The following MIB2 variants were observed in gnomAD, a reference collection of about 807,000 sequenced individuals.
MIB2 encodes the protein E3 ubiquitin-protein ligase MIB2.
MIB2 carries 78 observed loss-of-function variants against 96.6 expected under a neutral mutation model. The observed-to-expected ratio is 0.81, with a 90% CI of 0.67 to 0.97. The LOEUF (loss-of-function observed/expected upper bound fraction) is 0.97, where lower values mean the gene tolerates loss of function less well. MIB2 is among the 50% of genes least tolerant of loss of function. MIB2 has a pLI of 0.00. For synonymous variants in MIB2, 820 were observed against 629.5 expected (o/e 1.30, Z -4.53); for missense variants, 1,543 against 1,424.0 (o/e 1.08, Z -1.35).
At chr1:1,621,317 G>A (rs1281835461) in intron 2 of MIB2, among the ~76,000 whole-genome samples, 1 of 152,242 alleles carries the variant, frequency 6.6e-6, no homozygotes, top group Non-Finnish European at 1.5e-5. Context: ...GGCTGTGGAA[G>A]CCGCTCATGC....
At chr1:1,627,237 G>A (rs367982753) in intron 11 of MIB2, 30 bp downstream of exon 11, 5 of 1,612,138 alleles carry the variant, frequency 3.1e-6, no homozygotes, top group Non-Finnish European at 3.4e-6. Flanking sequence ...CTCCCATACT[G>A]GCCAGTCTGA....
rs993050359 is a variant in MIB2, at chr1:1,629,322, G to A, written c.2381+11G>A. The A allele has an allele frequency of 1.0e-4, 150 of 1,473,180 alleles. No individual in the cohort carries two copies. The highest frequency in any genetic ancestry group is 1.3e-4 in the Non-Finnish European group (143 of 1,126,316). The allele number at this position is 1,473,180 out of a possible 1,614,324, so 91.3% of individuals were successfully genotyped here. A position where few individuals can be genotyped will look rare whatever the true frequency, so the allele number is the denominator to read the frequency against. Reference sequence around the variant, plus strand: ...CGCCCAGCGCTTCCGGTGAGTCCGTGGACGGCGGGGATGGGGTCCGGCGGC... The same window carrying A: ...CGCCCAGCGCTTCCGGTGAGTCCGTAGACGGCGGGGATGGGGTCCGGCGGC... On this transcript the variant is annotated intron_variant, in intron 17 of 19. Coordinates refer to ENST00000355826, the MANE Select transcript of MIB2 (RefSeq NM_001170687.4).
chr1:1,614,384 T>C (rs1291306085), upstream of MIB2: 2 of 152,260 alleles, frequency 1.3e-5, 1 homozygote, highest in South Asian at 4.1e-4. Context: ...CACAAGGACG[T>C]CGGCCTGGTA....
chr1:1,627,464 CGGCCGGCGG>C lies in MIB2; in HGVS notation c.1523+24_1523+32del. On this transcript the variant is annotated intron_variant, in intron 12 of 19. Coordinates refer to ENST00000355826, the MANE Select transcript of MIB2 (RefSeq NM_001170687.4). ...CCTGGGGTGAGGCCTGGGAGGGGCC[CGGCCGGCGG>C]GGCTGAGCCTGTGCGTCCTGGGGTG... 6.3e-7 allele frequency: 1 copy of C among 1,590,154 alleles called. No homozygotes were observed. The highest frequency in any genetic ancestry group is 2.3e-5 in the East Asian group (1 of 43,674).
At chr1:1,622,813 C>T (rs937580751) in intron 2 of MIB2, among the ~76,000 whole-genome samples, 8 of 152,244 alleles carry the variant, frequency 5.3e-5, no homozygotes, top group Non-Finnish European at 8.8e-5. Flanking sequence ...GGGCCCAAAG[C>T]TGGTGTCCCC....
intron 1 of MIB2, chr1:1,616,077 G>T: frequency 2.0e-6 from 2 of 984,300 alleles, no homozygotes; most frequent in Non-Finnish European, 2.4e-6. Flanking sequence ...GGACGGAAAC[G>T]TCCGGGCAAG....
chr1:1,619,457 C>T (rs1318934601), intron 2 of MIB2, among the ~76,000 whole-genome samples: 1 of 152,250 alleles, frequency 6.6e-6, no homozygotes, highest in Non-Finnish European at 1.5e-5. Context: ...TGTGGTCTGT[C>T]TGCACACTGG....
chr1:1,624,657 G>A (rs1486273452), intron 4 of MIB2, 138 bp from the exon 5 acceptor site: 2 of 803,756 alleles, frequency 2.5e-6, no homozygotes, highest in African/African-American at 1.7e-5. Flanking sequence ...GCCATTCCCG[G>A]GCAAGAGCTG....
At chr1:1,621,953 G>A (rs1444602799) in intron 2 of MIB2, among the ~76,000 whole-genome samples, 1 of 152,234 alleles carries the variant, frequency 6.6e-6, no homozygotes, top group African/African-American at 2.4e-5. Context: ...GGGCTTTGCT[G>A]TGGCCCCTCC....
Position 1,624,884 on chromosome 1 carries a change from A to C in MIB2, c.509A>C (p.Glu170Ala). The C allele has an allele frequency of 6.2e-7, 1 of 1,612,756 alleles. No individual in the cohort carries two copies. The highest frequency in any genetic ancestry group is 8.5e-7 in the Non-Finnish European group (1 of 1,179,870). The change falls in exon 5 of 20, where the codon GAG (glutamate) becomes GCG (alanine). Residue 170 changes from glutamate (E) to alanine (A), a missense_variant. Glu to Ala is a moderately radical substitution (Grantham distance 107, BLOSUM62 -1). Coordinates refer to ENST00000355826, the MANE Select transcript of MIB2 (RefSeq NM_001170687.4). The stretch of plus-strand genomic sequence containing the variant: ...AAGGTGGTGCGAGGCCCCGACTGGG[A>C]GTGGGGCTCACAGGATGGTGAGTGG... ...GAKVVRGPDW[E>A]WGSQDGGEGK...
At position 1,625,894 on chromosome 1, in the gene MIB2, C is replaced by A. The variant is rs927079040; in HGVS notation, c.972+241C>A. On this transcript the variant is annotated intron_variant, in intron 8 of 19. Coordinates refer to ENST00000355826, the MANE Select transcript of MIB2 (RefSeq NM_001170687.4). This position sits in a 1 kb window ranked among gnomAD's most constrained non-coding sequence, Gnocchi z 5.0. ...GGAGCTGGAATGGGCAGGTTAGGGC[C>A]TCCCTCTGTTCCAGGACACCAGGAA... is the stretch of plus-strand genomic sequence containing the variant. The A allele has an allele frequency of 2.3e-5, 13 of 566,974 alleles. No individual in the cohort carries two copies. The highest frequency in any genetic ancestry group is 3.5e-5 in the Non-Finnish European group (11 of 316,822). 35.1% of individuals were successfully genotyped at this position (566,974 alleles called of 1,614,324 possible). A position where few individuals can be genotyped will look rare whatever the true frequency, so the allele number is the denominator to read the frequency against.
rs146481628 is a variant in MIB2 at position 1,629,667 on chromosome 1, C to G, written c.2592C>G (p.Ile864Met). 1.3e-6 allele frequency: 2 copies of G among 1,599,940 alleles called. No homozygotes were observed. The highest frequency in any genetic ancestry group is 1.7e-6 in the Non-Finnish European group (2 of 1,173,172). The change falls in exon 19 of 20, where the codon ATC becomes ATG. Residue 864 changes from isoleucine to methionine, a missense_variant. Physicochemically the swap from Ile to Met is conservative, Grantham distance 10. Transcript: ENST00000355826. The part of the protein sequence containing the change: ...EECARRMKKC[I>M]RCQVVVSKKL... ...GCGCGCGCAGGATGAAGAAGTGCAT[C>G]AGGTGCCAGGTGGTCGTCAGCAAGA... is the stretch of plus-strand genomic sequence containing the variant.
chr1:1,618,174 C>G (rs987461084), intron 2 of MIB2: 5 of 152,568 alleles, frequency 3.3e-5, no homozygotes, highest in African/African-American at 1.2e-4. Flanking sequence ...GAGGGCAGGG[C>G]TAGCCTTGGA....
Position 1,625,758 on chromosome 1 carries a change from C to G in MIB2, c.972+105C>G, listed in dbSNP as rs1028975009. On this transcript the variant is annotated intron_variant, in intron 8 of 19. Coordinates refer to ENST00000355826, the MANE Select transcript of MIB2 (RefSeq NM_001170687.4). The surrounding 1 kb of genome is among the most constrained non-coding windows in gnomAD (Gnocchi z 5.0). ...GGCAGGACTAGGGTGCCAGCTGCAC[C>G]CACGAGTCCCCAGCCCTGAAGGAAG... The G allele has an allele frequency of 6.4e-5, 56 of 877,770 alleles. No individual in the cohort carries two copies. Among genetic ancestry groups the G allele is most frequent in the Non-Finnish European group, 9.3e-5 (52 of 560,874 alleles). The allele number at this position is 877,770 out of a possible 1,614,324, so 54.4% of individuals were successfully genotyped here.
chr1:1,628,098 A>G lies in MIB2; in HGVS notation c.1760A>G (p.Glu587Gly). ...AGCGGCATTGTCGAGGTCCTCACGGAGGTGCCAAACATCGATGTTACCGCC... is the reference window on the plus strand; with the variant it reads ...AGCGGCATTGTCGAGGTCCTCACGGGGGTGCCAAACATCGATGTTACCGCC... ...GASGIVEVLT[E>G]VPNIDVTATN... is the part of the protein sequence containing the mutation. The change falls in exon 14 of 20, where the codon GAG (glutamate) becomes GGG (glycine). Residue 587 changes from glutamate to glycine, a missense_variant. Transcript: ENST00000355826. 1 of 1,613,254 alleles carries G rather than the reference A, an allele frequency of 6.2e-7. No homozygotes were observed. The highest frequency in any genetic ancestry group is 8.5e-7 in the Non-Finnish European group (1 of 1,179,978).
rs1227143320 is a variant in MIB2, at chr1:1,615,720, G to A, written c.-130+87G>A. On this transcript the variant is annotated intron_variant, in intron 1 of 19. Coordinates refer to ENST00000355826, the MANE Select transcript of MIB2 (RefSeq NM_001170687.4). ...TCTGGCAGAACGCGAGCGCCGTCCG[G>A]TTCCCGCTCCCGCTGGCCCAGCAGC... 5 of 1,494,918 alleles carry A rather than the reference G, an allele frequency of 3.3e-6. No homozygotes were observed. The African/African-American group carries it at 5.9e-5, about 18-fold the overall frequency. The allele number at this position is 1,494,918 out of a possible 1,614,324, so 92.6% of individuals were successfully genotyped here. A position where few individuals can be genotyped will look rare whatever the true frequency, so the allele number is the denominator to read the frequency against.
intron 4 of MIB2, 147 bp downstream of exon 4, chr1:1,624,092 C>A: frequency 1.0e-6 from 1 of 988,596 alleles, no homozygotes; most frequent in Non-Finnish European, 1.4e-6. Context: ...AGCAGTGGTG[C>A]CATGGGCAGG....
Position 1,629,274 on chromosome 1 carries a change from G to C in MIB2, c.2344G>C (p.Val782Leu), listed in dbSNP as rs759908855. The part of the protein sequence containing the change: ...SPLDLAAEGR[V>L]LKALQGCAQR... ...GCTGGACCTGGCCGCCGAGGGTCGC[G>C]TGCTCAAGGCCCTTCAGGGCTGCGC... Residue 782 changes from valine (V) to leucine (L), a missense_variant, in exon 17 of 20, where the codon GTG (valine) becomes CTG (leucine). Physicochemically the swap from Val to Leu is conservative, Grantham distance 32. Coordinates refer to ENST00000355826, the MANE Select transcript of MIB2 (RefSeq NM_001170687.4). 8 of 1,545,218 alleles carry C rather than the reference G, an allele frequency of 5.2e-6. No homozygotes were observed. The highest frequency in any genetic ancestry group is 6.9e-6 in the Non-Finnish European group (8 of 1,157,496).
At chr1:1,616,485 T>C in intron 1 of MIB2, 23 bp from the exon 2 acceptor site, 1 of 1,519,316 alleles carries the variant, frequency 6.6e-7, no homozygotes, top group Non-Finnish European at 8.9e-7. Context: ...ACTGTGCATC[T>C]TGGCATCTCC....
Sources: allele counts gnomAD v4.1 joint callset (sites outside exome capture counted in the v4.1 genomes callset), GRCh38; gene constraint gnomAD v4.1.1; non-coding constraint Gnocchi (gnomAD v3.1); transcripts MANE v1.5; gene names NCBI Gene and HGNC (gene_info 2026-07-23, HGNC 2026-07-21).